SPOCK1: variants seen among roughly 807,000 people sequenced by gnomAD.
The protein encoded by SPOCK1 is testican-1.
SPOCK1 carries 23 observed loss-of-function variants against 55.3 expected under a neutral mutation model. The ratio of observed to expected loss-of-function variants is 0.42; its 90% CI spans 0.30 to 0.59. SPOCK1 has a LOEUF of 0.59. SPOCK1 is among the 20% of genes least tolerant of loss of function. The pLI, the probability that SPOCK1 is intolerant of heterozygous loss-of-function variation, is 0.22. For missense variants in SPOCK1, 499 were observed against 552.5 expected (o/e 0.90, Z 0.97); for synonymous variants, 226 against 221.0 (o/e 1.02, Z -0.20).
chr5:137,002,673 A>G (rs1751174094), intron 6 of SPOCK1, among the ~76,000 whole-genome samples: 1 of 152,166 alleles, frequency 6.6e-6, no homozygotes, highest in East Asian at 1.9e-4. Flanking sequence ...CTCAACTAAT[A>G]AAGACTAAGC....
intron 3 of SPOCK1, among the ~76,000 whole-genome samples, chr5:137,160,158 T>C (rs1303118856): frequency 6.6e-6 from 1 of 151,614 alleles, no homozygotes; most frequent in South Asian, 2.1e-4. Flanking sequence ...ATCATTCTTA[T>C]GCCTTTGTGT....
At chr5:137,168,428 G>C (rs978688893) in intron 3 of SPOCK1, among the ~76,000 whole-genome samples, 1 of 152,084 alleles carries the variant, frequency 6.6e-6, no homozygotes, top group Non-Finnish European at 1.5e-5. Context: ...CACAGAATGG[G>C]AGAAAATATT....
At chr5:137,006,817 G>C (rs1183965927) in intron 6 of SPOCK1, among the ~76,000 whole-genome samples, 8 of 152,140 alleles carry the variant, frequency 5.3e-5, no homozygotes, top group African/African-American at 1.9e-4. Context: ...CATTCAGTAT[G>C]ATATTTGCTG....
At chr5:137,041,890 T>C (rs1457232596) in intron 6 of SPOCK1, among the ~76,000 whole-genome samples, 2 of 152,164 alleles carry the variant, frequency 1.3e-5, no homozygotes, top group African/African-American at 4.8e-5. Flanking sequence ...TGCAAGACAG[T>C]TTTTCCATTT....
At chr5:136,985,069 A>G (rs17521219) in intron 9 of SPOCK1, 71 bp downstream of exon 9, 336,959 of 1,425,934 alleles carry the variant, frequency 0.24, 44,319 homozygotes, top group Non-Finnish European at 0.27. Context: ...AACCATTGCC[A>G]TGCTGATCAT....
intron 5 of SPOCK1, among the ~76,000 whole-genome samples, chr5:137,102,722 G>C (rs1336100567): frequency 6.6e-6 from 1 of 152,096 alleles, no homozygotes; most frequent in Non-Finnish European, 1.5e-5. Context: ...TAGCGATATT[G>C]ACCTGAAAAA....
At chr5:137,403,263 G>C (rs1297163616) in intron 2 of SPOCK1, among the ~76,000 whole-genome samples, 1 of 152,168 alleles carries the variant, frequency 6.6e-6, no homozygotes, top group African/African-American at 2.4e-5. Flanking sequence ...GAGCTTCCCT[G>C]CTGGGCAGTA....
rs139607220 is a variant in SPOCK1, at chr5:136,982,829, T to C, written c.991+2311A>G. On this transcript the variant is annotated intron_variant, in intron 9 of 10. Transcript: ENST00000394945. Reference sequence around the variant, plus strand: ...TAGTGATATTTAAGTGAGTCTGGGGTTAGTAAGCTGACTGAATCTTAGATG... The same window carrying C: ...TAGTGATATTTAAGTGAGTCTGGGGCTAGTAAGCTGACTGAATCTTAGATG... 1.1e-4 allele frequency among the ~76,000 whole-genome samples: 16 copies of C among 152,306 alleles called. No individual in the cohort carries two copies. In the East Asian group the frequency reaches 2.9e-3, roughly 28 times the overall value.
At chr5:137,092,870 GAAGT>G (rs1753075968) in intron 5 of SPOCK1, among the ~76,000 whole-genome samples, 1 of 152,208 alleles carries the variant, frequency 6.6e-6, no homozygotes, top group Admixed American at 6.5e-5. Context: ...CGGAGGCTGA[GAAGT>G]CCTGGGTTGA....
At chr5:137,025,766 A>C (rs1751663877) in intron 6 of SPOCK1, among the ~76,000 whole-genome samples, 1 of 152,206 alleles carries the variant, frequency 6.6e-6, no homozygotes, top group Non-Finnish European at 1.5e-5. Context: ...ATAAACTAGC[A>C]TACCATTTTA....
Position 136,978,530 on chromosome 5 carries a change from A to T in SPOCK1, c.*124T>A. 1 of 973,320 alleles carries T rather than the reference A, an allele frequency of 1.0e-6. No homozygotes were observed. The highest frequency in any genetic ancestry group is 2.7e-5 in the East Asian group (1 of 37,210). 60.3% of individuals were successfully genotyped at this position (973,320 alleles called of 1,614,324 possible). A position where few individuals can be genotyped will look rare whatever the true frequency, so the allele number is the denominator to read the frequency against. The stretch of plus-strand genomic sequence containing the variant: ...AACAAGCAGTTGTCTTCCAAACCTT[A>T]GGTCGGGTATAGAGAGCAACAATGG... On this transcript the variant is annotated 3_prime_UTR_variant, in exon 11 of 11. Transcript: ENST00000394945.
At chr5:137,152,702 T>C (rs1754340671) in intron 3 of SPOCK1, among the ~76,000 whole-genome samples, 1 of 152,216 alleles carries the variant, frequency 6.6e-6, no homozygotes, top group East Asian at 1.9e-4. Flanking sequence ...TGACTCTGTC[T>C]TCTACAGTCT....
At chr5:137,144,947 C>T (rs2127054272) in intron 3 of SPOCK1, among the ~76,000 whole-genome samples, 1 of 152,222 alleles carries the variant, frequency 6.6e-6, no homozygotes, top group Middle Eastern at 3.4e-3. Flanking sequence ...GCAGACATCC[C>T]CAGAGGATGA....
Position 136,977,916 on chromosome 5 carries a change from C to T in SPOCK1, c.*738G>A, listed in dbSNP as rs892828003. On this transcript the variant is annotated 3_prime_UTR_variant, in exon 11 of 11. Transcript: ENST00000394945. ...AGCTGAGAAATTTATCATTGTTTTT[C>T]GAGTTTTTAAGATACCCAAACACTT... 5.6e-5 allele frequency: 22 copies of T among 392,676 alleles called. No individual in the cohort carries two copies. The East Asian group carries it at 6.1e-4, about 11-fold the overall frequency. 24.3% of individuals were successfully genotyped at this position (392,676 alleles called of 1,614,324 possible). A position where few individuals can be genotyped will look rare whatever the true frequency, so the allele number is the denominator to read the frequency against.
chr5:137,438,202 A>C (rs1045783795), intron 2 of SPOCK1, among the ~76,000 whole-genome samples: 4 of 152,004 alleles, frequency 2.6e-5, no homozygotes, highest in African/African-American at 9.7e-5. Flanking sequence ...GGGAGACCAG[A>C]AACTGGGGGC....
chr5:137,296,419 C>T (rs1426488489), intron 2 of SPOCK1, among the ~76,000 whole-genome samples: 3 of 152,176 alleles, frequency 2.0e-5, no homozygotes, highest in Non-Finnish European at 4.4e-5. Flanking sequence ...ATGAGCAAAG[C>T]AGCAAGGCTG....
intron 2 of SPOCK1, among the ~76,000 whole-genome samples, chr5:137,436,894 G>A (rs1237732915): frequency 6.6e-6 from 1 of 152,104 alleles, no homozygotes; most frequent in Non-Finnish European, 1.5e-5. Flanking sequence ...GAAAGTCTGA[G>A]ATTGTATGCC....
intron 2 of SPOCK1, among the ~76,000 whole-genome samples, chr5:137,439,627 G>A (rs1014639566): frequency 2.0e-5 from 3 of 152,138 alleles, no homozygotes; most frequent in Non-Finnish European, 2.9e-5. Context: ...ACCTCACAGG[G>A]TCTGTTAATT....
At chr5:137,439,415 T>C (rs1193746030) in intron 2 of SPOCK1, among the ~76,000 whole-genome samples, 1 of 152,126 alleles carries the variant, frequency 6.6e-6, no homozygotes, top group African/African-American at 2.4e-5. Flanking sequence ...TTTAACACTA[T>C]AAGTCCCAAA....
Sources: allele counts gnomAD v4.1 joint callset (sites outside exome capture counted in the v4.1 genomes callset), GRCh38; gene constraint gnomAD v4.1.1; transcripts MANE v1.5; gene names NCBI Gene and HGNC (gene_info 2026-07-23, HGNC 2026-07-21).